EEPD1: variants seen among roughly 807,000 people sequenced by gnomAD.
EEPD1 encodes the protein endonuclease/exonuclease/phosphatase family domain-containing protein 1.
EEPD1 carries 17 observed loss-of-function variants against 46.3 expected under a neutral mutation model. The observed-to-expected ratio is 0.37, with a 90% CI of 0.25 to 0.55. The LOEUF is 0.55. EEPD1 is among the 20% of genes least tolerant of loss of function. The probability of loss-of-function intolerance (pLI) is 0.83; values close to 1 mark genes in which losing one functional copy is unlikely to be tolerated. For missense variants in EEPD1, 673 were observed against 745.6 expected (o/e 0.90, Z 1.13); for synonymous variants, 313 against 315.6 (o/e 0.99, Z 0.09).
intron 2 of EEPD1, among the ~76,000 whole-genome samples, chr7:36,191,920 C>T (rs879868080): frequency 1.3e-5 from 2 of 152,214 alleles, no homozygotes; most frequent in African/African-American, 2.4e-5. Flanking sequence ...ACCCCTGCTA[C>T]ATGCCCTTAA....
intron 3 of EEPD1, among the ~76,000 whole-genome samples, chr7:36,271,798 CCTATT>C (rs60205065): frequency 0.045 from 5,907 of 132,332 alleles, 206 homozygotes; most frequent in Admixed American, 0.057. Context: ...ACATAAGCCT[CCTATT>C]CTATTCTATT....
intron 2 of EEPD1, among the ~76,000 whole-genome samples, chr7:36,191,635 G>A (rs2115679288): frequency 6.6e-6 from 1 of 152,328 alleles, no homozygotes; most frequent in Admixed American, 6.5e-5. Flanking sequence ...GAAGAAGAGA[G>A]AAGAAGGCTC....
chr7:36,281,740 A>G (rs1787263919), intron 4 of EEPD1, among the ~76,000 whole-genome samples: 1 of 152,196 alleles, frequency 6.6e-6, no homozygotes. Context: ...AATCTCTGTA[A>G]ATACACGTTT....
intron 2 of EEPD1, among the ~76,000 whole-genome samples, chr7:36,204,019 TTCTTTC>T (rs895418902): frequency 1.3e-5 from 2 of 151,802 alleles, no homozygotes; most frequent in African/African-American, 4.8e-5. Context: ...TGCCCTTTCT[TTCTTTC>T]TTTTTTCTTT....
chr7:36,163,456 C>A (rs1784931686), intron 2 of EEPD1, among the ~76,000 whole-genome samples: 1 of 151,954 alleles, frequency 6.6e-6, no homozygotes, highest in South Asian at 2.1e-4. Context: ...TGGCTGAGGG[C>A]CATAGCTAAG....
chr7:36,197,876 C>T lies in EEPD1; in HGVS notation c.879-41109C>T, dbSNP rs182840354. Among the ~76,000 whole-genome samples the T allele has an allele frequency of 2.8e-3, 426 of 150,798 alleles. 2 individuals are homozygous for T. The highest frequency in any genetic ancestry group is 9.4e-3 in the African/African-American group (385 of 40,996). On this transcript the variant is annotated intron_variant, in intron 2 of 7. Transcript: ENST00000242108. ...CCAAATCCCCCTCTGCGAGAAACAC[C>T]CAAGAATGATCAATAAAAAAAAAAA... is the stretch of plus-strand genomic sequence containing the variant.
intron 2 of EEPD1, among the ~76,000 whole-genome samples, chr7:36,219,775 AAGAGAGAGAGAGAGAGAGAGAG>A (rs752270283): frequency 8.4e-6 from 1 of 118,938 alleles, no homozygotes; most frequent in East Asian, 2.6e-4. Flanking sequence ...GAGAGAGAGA[AAGAGAGAGAGAGAGAGAGAGAG>A]AGAGAGAGAG....
chr7:36,160,762 G>A (rs1242188487), intron 2 of EEPD1, among the ~76,000 whole-genome samples: 2 of 152,000 alleles, frequency 1.3e-5, no homozygotes, highest in Non-Finnish European at 2.9e-5. Context: ...TGATCTCTGG[G>A]GAGATGGGGA....
Position 36,184,830 on chromosome 7 carries a change from A to G in EEPD1, c.878+29628A>G, listed in dbSNP as rs1219291447. Among the ~76,000 whole-genome samples the G allele has an allele frequency of 5.3e-5, 8 of 152,212 alleles. No individual in the cohort carries two copies. In the East Asian group the frequency reaches 1.5e-3, roughly 29 times the overall value. On this transcript the variant is annotated intron_variant, in intron 2 of 7. Transcript: ENST00000242108. ...ACTGCAACCTCTGCCTCCTGGGTTC[A>G]AGCAATTCTCCTGCCTCAGCCTCTC...
chr7:36,258,042 A>G (rs1004697821), intron 3 of EEPD1, among the ~76,000 whole-genome samples: 3 of 152,016 alleles, frequency 2.0e-5, no homozygotes, highest in Non-Finnish European at 4.4e-5. Flanking sequence ...TGTTGATGCT[A>G]TTCCTTTCTG....
intron 2 of EEPD1, among the ~76,000 whole-genome samples, chr7:36,214,054 C>A (rs942011074): frequency 1.3e-5 from 2 of 152,074 alleles, no homozygotes; most frequent in Admixed American, 1.3e-4. Context: ...ACAGCAGACA[C>A]CAGTGCCAAT....
At chr7:36,189,922 G>A (rs1459788612) in intron 2 of EEPD1, among the ~76,000 whole-genome samples, 2 of 152,234 alleles carry the variant, frequency 1.3e-5, no homozygotes, top group Admixed American at 1.3e-4. Context: ...AGGAGGCTGA[G>A]GCAGGAGGAT....
chr7:36,297,400 T>C (rs571727012), intron 7 of EEPD1, among the ~76,000 whole-genome samples: 1 of 152,336 alleles, frequency 6.6e-6, no homozygotes, highest in East Asian at 1.9e-4. Context: ...CCAGCCATTC[T>C]CTAATTGTTT....
intron 2 of EEPD1, among the ~76,000 whole-genome samples, chr7:36,203,094 T>G (rs993745316): frequency 2.6e-5 from 4 of 152,206 alleles, no homozygotes; most frequent in African/African-American, 9.7e-5. Flanking sequence ...GGTCTCTGGC[T>G]CCCAAAGAGG....
chr7:36,295,147 A>C (rs1244456767), intron 6 of EEPD1, among the ~76,000 whole-genome samples: 1 of 151,646 alleles, frequency 6.6e-6, no homozygotes, highest in African/African-American at 2.4e-5. Flanking sequence ...ACTGCACTCC[A>C]GCCTGGGTGA....
intron 2 of EEPD1, among the ~76,000 whole-genome samples, chr7:36,168,517 G>A (rs1785026537): frequency 6.6e-6 from 1 of 152,186 alleles, no homozygotes; most frequent in Admixed American, 6.5e-5. Context: ...CACTTTGGGA[G>A]GCTGAGGCGG....
At chr7:36,224,404 A>G (rs2115752311) in intron 2 of EEPD1, among the ~76,000 whole-genome samples, 1 of 152,342 alleles carries the variant, frequency 6.6e-6, no homozygotes, top group East Asian at 1.9e-4. Context: ...TAATAGCTGG[A>G]CAAATGTTTC....
intron 2 of EEPD1, among the ~76,000 whole-genome samples, chr7:36,183,888 T>A: frequency 7.4e-6 from 1 of 135,490 alleles, no homozygotes; most frequent in African/African-American, 2.6e-5. Flanking sequence ...TTTTTTTTTT[T>A]ATTTTTAAAA....
At chr7:36,289,906 TCC>T (rs1375333333) in intron 6 of EEPD1, among the ~76,000 whole-genome samples, 2 of 152,248 alleles carry the variant, frequency 1.3e-5, no homozygotes, top group African/African-American at 4.8e-5. Flanking sequence ...TCCACCTTTG[TCC>T]TGTTGTGACA....
Sources: gnomAD v4.1 joint callset for allele counts (sites outside exome capture counted in the v4.1 genomes callset) on GRCh38, gnomAD v4.1.1 for gene constraint, MANE v1.5 for transcripts, NCBI Gene and HGNC (gene_info 2026-07-23, HGNC 2026-07-21) for gene names.